PWWP3A: variants seen among roughly 807,000 people sequenced by gnomAD.
The protein encoded by PWWP3A is PWWP domain containing 3A, DNA repair factor.
PWWP3A carries 53 observed loss-of-function variants against 79.0 expected under a neutral mutation model. The ratio of observed to expected loss-of-function variants is 0.67; its 90% CI spans 0.54 to 0.84. The LOEUF is 0.84. Among genes scored for constraint, PWWP3A ranks in the 40% least tolerant of loss-of-function variants. PWWP3A has a pLI of 0.00. For synonymous variants in PWWP3A, 443 were observed against 394.4 expected, an observed-to-expected ratio of 1.12 and a Z score of -1.46; for missense variants, 973 against 948.0, an observed-to-expected ratio of 1.03 and a Z score of -0.35.
At position 1,376,291 on chromosome 19, in the gene PWWP3A, G is replaced by GTTTTT. The variant is rs1350699607; in HGVS notation, c.2076-225_2076-224insTTTTT. ...CAGACATGCGCCACCACGCCCGGCT[G>GTTTTT]TTTGTTTTTTTTTTTGTTTGTTTTT... On this transcript the variant is annotated intron_variant, in intron 13 of 13. Coordinates refer to ENST00000591337, the MANE Select transcript of PWWP3A (RefSeq NM_001369789.1). Among the ~76,000 whole-genome samples the GTTTTT allele has an allele frequency of 5.4e-3, 272 of 50,744 alleles. 24 individuals carry two copies. The highest frequency in any genetic ancestry group is 9.8e-3 in the East Asian group (24 of 2,454). 33.3% of individuals were successfully genotyped at this position (50,744 alleles called of 152,430 possible).
rs749267128 is a variant in PWWP3A at position 1,360,470 on chromosome 19, T to C, written c.549T>C (p.Ser183=). 1.2e-6 allele frequency: 2 copies of C among 1,613,960 alleles called. No homozygotes were observed. Among genetic ancestry groups the C allele is most frequent in the South Asian group, 2.2e-5 (2 of 91,076 alleles). ...KVDHKKGLRK[S]ENPRGPLVLP... is the part of the protein sequence containing the mutation. ...ACCACAAGAAGGGGCTCAGGAAAAG[T>C]GAAAACCCAAGAGGCCCGTTGGTCC... The change falls in exon 5 of 14, where the codon AGT becomes AGC. Residue 183 remains serine, a synonymous_variant. Transcript: ENST00000591337. The surrounding 1 kb of genome is among the most constrained non-coding windows in gnomAD (Gnocchi z 4.4).
chr19:1,367,578 C>T (rs945621287), intron 9 of PWWP3A, among the ~76,000 whole-genome samples: 1 of 152,364 alleles, frequency 6.6e-6, no homozygotes, highest in East Asian at 1.9e-4. Context: ...CCCCATGTCA[C>T]GGTGGCCTCG....
At chr19:1,355,782 A>G (rs1568921965) in intron 1 of PWWP3A, among the ~76,000 whole-genome samples, 1 of 149,826 alleles carries the variant, frequency 6.7e-6, no homozygotes, top group Non-Finnish European at 1.5e-5. Context: ...CGTTGTTGCT[A>G]AATTCCACCC....
chr19:1,361,046 G>T lies in PWWP3A; in HGVS notation c.1111+14G>T, dbSNP rs760637019. 3 of 1,423,852 alleles carry T rather than the reference G, an allele frequency of 2.1e-6. No individual in the cohort carries two copies. The highest frequency in any genetic ancestry group is 1.5e-5 in the African/African-American group (1 of 67,570). The allele number at this position is 1,423,852 out of a possible 1,614,324, so 88.2% of individuals were successfully genotyped here. On this transcript the variant is annotated intron_variant, in intron 5 of 13. Coordinates refer to ENST00000591337, the MANE Select transcript of PWWP3A (RefSeq NM_001369789.1). ...AGCTGGAGAAAGGTAAAAGTTTCTCGTGGAGGAGGAGAGCGCAGAGGGTGG... is the reference window on the plus strand; with the variant it reads ...AGCTGGAGAAAGGTAAAAGTTTCTCTTGGAGGAGGAGAGCGCAGAGGGTGG...
intron 5 of PWWP3A, 154 bp from the exon 6 acceptor site, chr19:1,362,094 GAA>G: frequency 2.2e-6 from 1 of 450,624 alleles, no homozygotes; most frequent in Non-Finnish European, 3.9e-6. Flanking sequence ...TAGTTTATTA[GAA>G]GCGCACTCTG....
At chr19:1,375,441 ATATATT>A (rs1394852631) in intron 13 of PWWP3A, among the ~76,000 whole-genome samples, 2 of 134,082 alleles carry the variant, frequency 1.5e-5, no homozygotes, top group African/African-American at 5.6e-5. Context: ...ATATAGCCAT[ATATATT>A]TATATATAAT....
intron 2 of PWWP3A, among the ~76,000 whole-genome samples, chr19:1,356,802 C>CA (rs1343144315): frequency 6.6e-6 from 1 of 152,178 alleles, no homozygotes; most frequent in Non-Finnish European, 1.5e-5. Context: ...AGCTGCAATG[C>CA]AAAAGCCCAG....
Position 1,357,072 on chromosome 19 carries a change from C to G in PWWP3A, c.121C>G (p.Gln41Glu). The G allele has an allele frequency of 1.2e-6, 2 of 1,612,712 alleles. No individual in the cohort carries two copies. Among genetic ancestry groups the G allele is most frequent in the Non-Finnish European group, 1.7e-6 (2 of 1,179,414 alleles). Reference protein sequence around the residue: ...KRRKEYFLAVQILSLEEKIKV... With the variant: ...KRRKEYFLAVEILSLEEKIKV... ...AAGAAAGGAATATTTTCTAGCTGTG[C>G]AAATCCTCTCTCTAGAGGAAAAGTT... is the stretch of plus-strand genomic sequence containing the variant. Residue 41 changes from glutamine (Q) to glutamate (E), a missense_variant, in exon 3 of 14, where the codon CAA becomes GAA. Gln to Glu is a conservative substitution (Grantham distance 29). Coordinates refer to ENST00000591337, the MANE Select transcript of PWWP3A (RefSeq NM_001369789.1).
At chr19:1,375,553 ATATT>A (rs2082357806) in intron 13 of PWWP3A, among the ~76,000 whole-genome samples, 1 of 116,410 alleles carries the variant, frequency 8.6e-6, no homozygotes, top group South Asian at 2.6e-4. Flanking sequence ...TATAAAATAT[ATATT>A]ATATATAAAA....
At chr19:1,358,331 CAT>C in intron 3 of PWWP3A, 61 bp from the exon 4 acceptor site, 2 of 1,422,932 alleles carry the variant, frequency 1.4e-6, no homozygotes, top group South Asian at 1.2e-5. Flanking sequence ...TAAAGGAAAA[CAT>C]GTTTGAAAAT....
intron 2 of PWWP3A, 124 bp downstream of exon 2, chr19:1,356,573 C>G (rs2081873451): frequency 6.9e-6 from 6 of 874,544 alleles, no homozygotes; most frequent in South Asian, 6.6e-5. Context: ...ACGGTTGGCA[C>G]TGATTCTCGT....
chr19:1,359,432 T>G (rs1200427073), intron 4 of PWWP3A: 2 of 150,970 alleles, frequency 1.3e-5, no homozygotes, highest in Non-Finnish European at 2.9e-5. Flanking sequence ...GGGCTGGTTG[T>G]TTGTGGGCGC....
At chr19:1,359,955 C>A in intron 4 of PWWP3A, 181 bp from the exon 5 acceptor site, 1 of 577,494 alleles carries the variant, frequency 1.7e-6, no homozygotes. Context: ...GAATAGCTGT[C>A]GTTCTGTAGC....
chr19:1,378,365 T>C lies in PWWP3A; in HGVS notation c.*1789T>C, dbSNP rs1188706884. 1 of 152,354 alleles carries C rather than the reference T, an allele frequency of 6.6e-6. No homozygotes were observed. Among genetic ancestry groups the C allele is most frequent in the Non-Finnish European group, 1.5e-5 (1 of 68,114 alleles). 9.4% of individuals were successfully genotyped at this position (152,354 alleles called of 1,614,324 possible). A position where few individuals can be genotyped will look rare whatever the true frequency, so the allele number is the denominator to read the frequency against. ...CTTTTCTGCTGTTGTGAAGTACTTT[T>C]ATCCATTTGCTTCTCTGCTGACCTT... On this transcript the variant is annotated 3_prime_UTR_variant, in exon 14 of 14. Coordinates refer to ENST00000591337, the MANE Select transcript of PWWP3A (RefSeq NM_001369789.1).
intron 7 of PWWP3A, among the ~76,000 whole-genome samples, chr19:1,365,925 T>G (rs1203481644): frequency 2.6e-5 from 4 of 152,210 alleles, no homozygotes; most frequent in African/African-American, 9.6e-5. Flanking sequence ...CCTCCCCGTG[T>G]GGCCTGGGCT....
rs201842628 is a variant in PWWP3A at position 1,360,587 on chromosome 19, G to A, written c.666G>A (p.Ala222=). The A allele has an allele frequency of 5.6e-6, 9 of 1,614,208 alleles. No homozygotes were observed. In the East Asian group the frequency reaches 8.9e-5, roughly 16 times the overall value. ...CAAGTAAGAGGGGAGGAAACTCAGC[G>A]CAGAAGGCTAGCTTGTGCCTGAATG... is the stretch of plus-strand genomic sequence containing the variant. The part of the protein sequence containing the change: ...TLASKRGGNS[A]QKASLCLNGS... The change falls in exon 5 of 14, where the codon GCG becomes GCA. Residue 222 remains alanine (A), a synonymous_variant. Coordinates refer to ENST00000591337, the MANE Select transcript of PWWP3A (RefSeq NM_001369789.1). The surrounding 1 kb of genome is among the most constrained non-coding windows in gnomAD (Gnocchi z 4.4).
At chr19:1,375,102 A>G (rs1183723350) in intron 13 of PWWP3A, among the ~76,000 whole-genome samples, 2 of 150,818 alleles carry the variant, frequency 1.3e-5, no homozygotes, top group African/African-American at 2.4e-5. Flanking sequence ...GCCTATAGTC[A>G]GTCCCAGCTA....
Position 1,357,006 on chromosome 19 carries a change from T to C in PWWP3A, c.58-3T>C, listed in dbSNP as rs756466055. On this transcript the variant is annotated splice_polypyrimidine_tract_variant and splice_region_variant and intron_variant, in intron 2 of 13. Transcript: ENST00000591337. ...CAAGGATTTTCTTTTGTTTTAAATGTAGGTTTTGGCCCGAACCGCGACTTC... is the reference window on the plus strand; with the variant it reads ...CAAGGATTTTCTTTTGTTTTAAATGCAGGTTTTGGCCCGAACCGCGACTTC... 1.2e-5 allele frequency: 20 copies of C among 1,610,476 alleles called. No individual in the cohort carries two copies. The highest frequency in any genetic ancestry group is 1.6e-5 in the Non-Finnish European group (19 of 1,178,728).
At chr19:1,374,446 T>TA (rs1420039137) in intron 13 of PWWP3A, 1 of 152,068 alleles carries the variant, frequency 6.6e-6, no homozygotes, top group Non-Finnish European at 1.5e-5. Context: ...GGACCCAGTC[T>TA]CCCCGCCGCA....
Sources: gnomAD v4.1 joint callset for allele counts (sites outside exome capture counted in the v4.1 genomes callset) on GRCh38, gnomAD v4.1.1 for gene constraint, Gnocchi (gnomAD v3.1) non-coding constraint, MANE v1.5 for transcripts, NCBI Gene and HGNC (gene_info 2026-07-23, HGNC 2026-07-21) for gene names.